TPM4: variants seen among roughly 807,000 people sequenced by gnomAD.
The protein encoded by TPM4 is tropomyosin alpha-4 chain.
TPM4 carries 17 observed loss-of-function variants against 35.8 expected under a neutral mutation model. The ratio of observed to expected loss-of-function variants is 0.47; its 90% CI spans 0.32 to 0.71. The LOEUF (loss-of-function observed/expected upper bound fraction) is 0.71. TPM4 is among the 30% of genes least tolerant of loss of function. TPM4 has a pLI of 0.03. For missense variants in TPM4, 240 were observed against 320.9 expected, an observed-to-expected ratio of 0.75 and a Z score of 1.93; for synonymous variants, 120 against 122.9, an observed-to-expected ratio of 0.98 and a Z score of 0.15.
At chr19:16,079,371 G>C (rs1420590820) in intron 1 of TPM4, among the ~76,000 whole-genome samples, 1 of 152,186 alleles carries the variant, frequency 6.6e-6, no homozygotes, top group Admixed American at 6.5e-5. Context: ...GAGTGTTTTT[G>C]CAACATCAGT....
chr19:16,076,014 A>G (rs1243773453), upstream of TPM4: 2 of 1,340,186 alleles, frequency 1.5e-6, no homozygotes, highest in Non-Finnish European at 2.1e-6. Context: ...CCCCCCCCCC[A>G]GGCTGACCCG....
At chr19:16,088,299 C>T (rs988841777) in intron 4 of TPM4, 53 of 1,392,980 alleles carry the variant, frequency 3.8e-5, no homozygotes, top group Non-Finnish European at 5.0e-5. Context: ...GCACTGCCCA[C>T]GTGTTGACCC....
chr19:16,083,651 T>TCACACAA (rs879915025), intron 2 of TPM4, among the ~76,000 whole-genome samples: 4,355 of 152,046 alleles, frequency 0.029, 183 homozygotes, highest in African/African-American at 0.091. Flanking sequence ...GGCAATGGTG[T>TCACACAA]GGGCCCGACC....
At chr19:16,083,463 G>A (rs1329455311) in intron 2 of TPM4, among the ~76,000 whole-genome samples, 1 of 152,102 alleles carries the variant, frequency 6.6e-6, no homozygotes, top group African/African-American at 2.4e-5. Context: ...AACTGACCAC[G>A]TTCCTCACCC....
At chr19:16,080,081 T>A (rs2090464442) in intron 1 of TPM4, 1 of 191,456 alleles carries the variant, frequency 5.2e-6, no homozygotes, top group East Asian at 8.3e-5. Flanking sequence ...GTGGCTTCCC[T>A]TTTCCTCTCG....
At chr19:16,085,783 G>A (rs1213180439) in intron 2 of TPM4, among the ~76,000 whole-genome samples, 1 of 152,032 alleles carries the variant, frequency 6.6e-6, no homozygotes, top group Non-Finnish European at 1.5e-5. Flanking sequence ...TAAAGATGAA[G>A]GGAGGCTGGG....
chr19:16,094,546 AAACTTC>A (rs1004565777), intron 7 of TPM4, among the ~76,000 whole-genome samples: 1 of 152,012 alleles, frequency 6.6e-6, no homozygotes, highest in Admixed American at 6.6e-5. Flanking sequence ...AAAAAAAAAA[AAACTTC>A]ACAATTTCCT....
intron 1 of TPM4, among the ~76,000 whole-genome samples, chr19:16,078,830 T>TAAAAAA (rs55714667): frequency 4.0e-5 from 5 of 126,398 alleles, no homozygotes; most frequent in South Asian, 2.5e-4. Context: ...AGGGGTGGGT[T>TAAAAAA]AAAAAAAAAA....
intron 5 of TPM4, among the ~76,000 whole-genome samples, chr19:16,092,815 C>T (rs914454011): frequency 6.6e-6 from 1 of 152,178 alleles, no homozygotes; most frequent in African/African-American, 2.4e-5. Context: ...GGATTACAGG[C>T]GTGAGCCACC....
intron 1 of TPM4, chr19:16,076,952 TG>T (rs2090416109): frequency 3.5e-6 from 2 of 579,356 alleles, no homozygotes; most frequent in Non-Finnish European, 4.7e-6. Context: ...AAGCGGGAAA[TG>T]GGGGGATGGG....
At chr19:16,076,049 G>A, upstream of TPM4, 4 of 1,607,702 alleles carry the variant, frequency 2.5e-6, no homozygotes, top group Admixed American at 1.7e-5. Context: ...GTCCCCAGGT[G>A]GAGGAGGAGC....
At chr19:16,087,920 G>A in intron 3 of TPM4, 107 bp from the exon 4 acceptor site, 1 of 1,171,520 alleles carries the variant, frequency 8.5e-7, no homozygotes, top group South Asian at 1.3e-5. Flanking sequence ...CCATGTTGCA[G>A]CTGGTCTAGG....
intron 7 of TPM4, among the ~76,000 whole-genome samples, chr19:16,096,965 TTTTTTC>T (rs1460091801): frequency 2.2e-5 from 2 of 89,536 alleles, no homozygotes; most frequent in Non-Finnish European, 4.6e-5. Flanking sequence ...TTTTTTTTTT[TTTTTTC>T]AAGACAGGGT....
chr19:16,084,931 CTCT>C (rs1311081514), intron 2 of TPM4, among the ~76,000 whole-genome samples: 2 of 152,026 alleles, frequency 1.3e-5, no homozygotes, highest in African/African-American at 4.8e-5. Flanking sequence ...CCAGGCTGGC[CTCT>C]TCTTTTCTTT....
chr19:16,069,105 G>A (rs903869244), intron 2 of TPM4, among the ~76,000 whole-genome samples: 3 of 152,140 alleles, frequency 2.0e-5, no homozygotes, highest in African/African-American at 7.2e-5. Context: ...GTTTGTGTTG[G>A]CATCTGTGTA....
At chr19:16,089,352 T>TA (rs1458711168) in intron 5 of TPM4, among the ~76,000 whole-genome samples, 2 of 152,236 alleles carry the variant, frequency 1.3e-5, no homozygotes, top group African/African-American at 4.8e-5. Flanking sequence ...CTCAGGAGGA[T>TA]AGAGATAGAA....
At chr19:16,089,983 C>G (rs138028898) in intron 5 of TPM4, among the ~76,000 whole-genome samples, 3 of 151,998 alleles carry the variant, frequency 2.0e-5, no homozygotes, top group Non-Finnish European at 2.9e-5. Context: ...CTCAGCCTCC[C>G]GATTACACGC....
rs564177754 is a variant in TPM4 at position 16,101,125 on chromosome 19, C to G, written c.665-139C>G. 2.1e-5 allele frequency: 12 copies of G among 575,240 alleles called. No individual in the cohort carries two copies. In the South Asian group the frequency reaches 2.9e-4, roughly 14 times the overall value. 35.6% of individuals were successfully genotyped at this position (575,240 alleles called of 1,614,324 possible). On this transcript the variant is annotated intron_variant, in intron 7 of 7. Coordinates refer to ENST00000643579, the MANE Select transcript of TPM4 (RefSeq NM_003290.3). ...GGTGAAGGTTGCAGTGAGCCAAGAT[C>G]GCGCCACTGCACTCCAGCCTGGGTG...
At chr19:16,078,208 A>T (rs952049401) in intron 1 of TPM4, 4 of 398,246 alleles carry the variant, frequency 1.0e-5, no homozygotes, top group Non-Finnish European at 1.8e-5. Context: ...AGGCTCCAAA[A>T]TGGAGGTTGA....
Sources: gnomAD v4.1 joint callset for allele counts (sites outside exome capture counted in the v4.1 genomes callset) on GRCh38, gnomAD v4.1.1 for gene constraint, MANE v1.5 for transcripts, NCBI Gene and HGNC (gene_info 2026-07-23, HGNC 2026-07-21) for gene names.